C17orf107: variants seen among roughly 807,000 people sequenced by gnomAD.
The protein encoded by C17orf107 is chromosome 17 open reading frame 107, also known as uncharacterized protein C17orf107.
In C17orf107, 9 loss-of-function variants were observed where a neutral mutation model predicts 8.9. The ratio of observed to expected loss-of-function variants is 1.02; its 90% CI spans 0.61 to 1.77. The LOEUF (loss-of-function observed/expected upper bound fraction) is 1.77. C17orf107 is among the 40% of genes most tolerant of loss of function. The pLI is 0.00. For missense variants in C17orf107, 281 were observed against 249.0 expected (o/e 1.13, Z -0.86); for synonymous variants, 139 against 120.3 (o/e 1.16, Z -1.02).
In C17orf107 at chr17:4,900,446, G is replaced by T. The variant is rs1175315685; in HGVS notation, c.486G>T (p.Gly162=). 6.4e-7 allele frequency: 1 copy of T among 1,551,112 alleles called. No individual in the cohort carries two copies. Among genetic ancestry groups the T allele is most frequent in the Non-Finnish European group, 8.7e-7 (1 of 1,146,976 alleles). Reference sequence around the variant, plus strand: ...GCCTGTGTGGACGGGGTCTGCAGGGGTCTGCCTCATTCCTGCGACAGTCGC... The same window carrying T: ...GCCTGTGTGGACGGGGTCTGCAGGGTTCTGCCTCATTCCTGCGACAGTCGC... ...WLCLCGRGLQ[G]SASFLRQSQQ... is the part of the protein sequence containing the mutation. Residue 162 remains glycine, a synonymous_variant, in exon 3 of 3, where the codon GGG becomes GGT. Coordinates refer to ENST00000381365, the MANE Select transcript of C17orf107 (RefSeq NM_001145536.2).
Position 4,899,630 on chromosome 17 carries a change from C to G in C17orf107, c.-133C>G, listed in dbSNP as rs1404591514. 4.7e-6 allele frequency: 7 copies of G among 1,487,064 alleles called. No homozygotes were observed. The highest frequency in any genetic ancestry group is 3.7e-4 in the Middle Eastern group (2 of 5,474). 92.1% of individuals were successfully genotyped at this position (1,487,064 alleles called of 1,614,324 possible). On this transcript the variant is annotated 5_prime_UTR_variant, in exon 1 of 3. Transcript: ENST00000381365. ...CATCACCGTTCCTCCTCCCAGCTAC[C>G]GAAGGCGCCGCGCGCTGACCTCACA...
downstream of C17orf107, chr17:4,903,019 G>C (rs34563587): frequency 6.2e-7 from 1 of 1,613,840 alleles, no homozygotes; most frequent in Admixed American, 1.7e-5. Context: ...TGTCCGTACC[G>C]AGAAGCCCCA....
Position 4,901,231 on chromosome 17 carries a change from G to T in C17orf107, c.*698G>T. On this transcript the variant is annotated 3_prime_UTR_variant, in exon 3 of 3. Coordinates refer to ENST00000381365, the MANE Select transcript of C17orf107 (RefSeq NM_001145536.2). The stretch of plus-strand genomic sequence containing the variant: ...ACGGTCAGCTGGCTGTCAGAGCGGG[G>T]CGCCCGCCGAGCTGACAGCGGGCTG... 6.3e-7 allele frequency: 1 copy of T among 1,586,988 alleles called. No individual in the cohort carries two copies. The highest frequency in any genetic ancestry group is 8.5e-7 in the Non-Finnish European group (1 of 1,171,218).
downstream of C17orf107, among the ~76,000 whole-genome samples, chr17:4,903,871 T>C (rs115900807): frequency 6.6e-6 from 1 of 151,526 alleles, no homozygotes; most frequent in Non-Finnish European, 1.5e-5. Context: ...AAAAAAAATT[T>C]TTTTGAGACC....
In C17orf107 at chr17:4,902,451, A is replaced by T. The variant is rs910053664; in HGVS notation, c.*1918A>T. The stretch of plus-strand genomic sequence containing the variant: ...CACCATTCCCCAGATTTGACTCACG[A>T]TTCCAATCCAGACGCTAGTGGTGAG... On this transcript the variant is annotated 3_prime_UTR_variant, in exon 3 of 3. Transcript: ENST00000381365. The surrounding 1 kb of genome is among the most constrained non-coding windows in gnomAD (Gnocchi z 4.0). The T allele has an allele frequency of 6.2e-7, 1 of 1,614,064 alleles. No homozygotes were observed. Among genetic ancestry groups the T allele is most frequent in the Non-Finnish European group, 8.5e-7 (1 of 1,180,038 alleles).
Position 4,900,535 on chromosome 17 carries a change from G to T in C17orf107, c.*2G>T, listed in dbSNP as rs1386408129. 9 of 1,550,650 alleles carry T rather than the reference G, an allele frequency of 5.8e-6. No homozygotes were observed. Among genetic ancestry groups the T allele is most frequent in the Non-Finnish European group, 8.7e-7 (1 of 1,146,978 alleles). ...AGCTCAGGACACGGGGTGAGTTAGG[G>T]GCCAGAGGCGGCGGGGCTAGGGAGG... is the stretch of plus-strand genomic sequence containing the variant. On this transcript the variant is annotated 3_prime_UTR_variant, in exon 3 of 3. Transcript: ENST00000381365.
chr17:4,900,972 T>C lies in C17orf107; in HGVS notation c.*439T>C, dbSNP rs755437862. 1.1e-5 allele frequency: 17 copies of C among 1,613,832 alleles called. No homozygotes were observed. The East Asian group carries it at 3.8e-4, about 36-fold the overall frequency. On this transcript the variant is annotated 3_prime_UTR_variant, in exon 3 of 3. Coordinates refer to ENST00000381365, the MANE Select transcript of C17orf107 (RefSeq NM_001145536.2). ...GAGCGAGCCCGGGTTTGGGGGTAGG[T>C]TCGGGGCCACTGCTTACCCTGCGCC...
downstream of C17orf107, among the ~76,000 whole-genome samples, chr17:4,904,275 C>A (rs574429078): frequency 6.6e-6 from 1 of 151,802 alleles, no homozygotes; most frequent in Non-Finnish European, 1.5e-5. Context: ...TAGTTCACTG[C>A]GGCTCTCAAA....
In C17orf107 at chr17:4,900,145, G is replaced by T; in HGVS notation, c.276G>T (p.Glu92Asp). The change falls in exon 2 of 3, where the codon GAG (glutamate) becomes GAT (aspartate). Residue 92 changes from glutamate to aspartate, a missense_variant and splice_region_variant. By Grantham distance (45) the Glu-to-Asp change is conservative. Coordinates refer to ENST00000381365, the MANE Select transcript of C17orf107 (RefSeq NM_001145536.2). ...TGAGCTTCGGCACCACCTTGTTAGA[G>T]GTGGGGTACTGGGGGGCTTAGGATA... ...SLVSFGTTLL[E>D]ISALWLQQEA... 2 of 1,550,004 alleles carry T rather than the reference G, an allele frequency of 1.3e-6. No individual in the cohort carries two copies. The highest frequency in any genetic ancestry group is 1.7e-6 in the Non-Finnish European group (2 of 1,146,652).
Position 4,900,432 on chromosome 17 carries a change from C to G in C17orf107, c.472C>G (p.Arg158Gly), listed in dbSNP as rs778322519. The change falls in exon 3 of 3, where the codon CGG becomes GGG. Residue 158 changes from arginine (R) to glycine (G), a missense_variant. Transcript: ENST00000381365. ...VQGAWLCLCGRGLQGSASFLR... is the reference protein window; with the variant it reads ...VQGAWLCLCGGGLQGSASFLR... ...GGGAGCATGGCTATGCCTGTGTGGA[C>G]GGGGTCTGCAGGGGTCTGCCTCATT... is the stretch of plus-strand genomic sequence containing the variant. The G allele has an allele frequency of 1.9e-6, 3 of 1,551,032 alleles. No homozygotes were observed. The South Asian group carries it at 3.6e-5, about 18-fold the overall frequency.
chr17:4,900,316 G>GT lies in C17orf107; in HGVS notation c.357dup (p.Ala120CysfsTer123). The GT allele has an allele frequency of 6.5e-7, 1 of 1,545,428 alleles. No individual in the cohort carries two copies. Among genetic ancestry groups the GT allele is most frequent in the Non-Finnish European group, 8.7e-7 (1 of 1,146,422 alleles). Reference sequence around the variant, plus strand: ...CCAGCCCCAGACGGCAGGGATCCGGGTGCAGCGCTGAGCCGGGTAGCCCAA... The same window carrying GT: ...CCAGCCCCAGACGGCAGGGATCCGGGTTGCAGCGCTGAGCCGGGTAGCCCAA... On this transcript the variant is annotated frameshift_variant, in exon 3 of 3. Transcript: ENST00000381365. LOFTEE classifies it low-confidence loss of function (END_TRUNC).
At position 4,902,396 on chromosome 17, in the gene C17orf107, G is replaced by C; in HGVS notation, c.*1863G>C. 2 of 1,613,942 alleles carry C rather than the reference G, an allele frequency of 1.2e-6. No homozygotes were observed. Among genetic ancestry groups the C allele is most frequent in the Non-Finnish European group, 1.7e-6 (2 of 1,179,816 alleles). The stretch of plus-strand genomic sequence containing the variant: ...CTGGCGCTGCCTGGGAGGGGTTTGG[G>C]GGAAAAGGGGTGCCCTGGACAAGAC... On this transcript the variant is annotated 3_prime_UTR_variant, in exon 3 of 3. Coordinates refer to ENST00000381365, the MANE Select transcript of C17orf107 (RefSeq NM_001145536.2). This position sits in a 1 kb window ranked among gnomAD's most constrained non-coding sequence, Gnocchi z 4.0.
downstream of C17orf107, chr17:4,903,128 C>A: frequency 6.4e-7 from 1 of 1,558,228 alleles, no homozygotes; most frequent in African/African-American, 1.4e-5. Flanking sequence ...TGCCAGGGTG[C>A]CTGTGTGAGG....
At chr17:4,906,346 G>A (rs1357628291), downstream of C17orf107, among the ~76,000 whole-genome samples, 1 of 152,124 alleles carries the variant, frequency 6.6e-6, no homozygotes, top group Non-Finnish European at 1.5e-5. Context: ...AAAACGGCCT[G>A]CCAGGATGCC....
In C17orf107 at chr17:4,901,372, T is replaced by G; in HGVS notation, c.*839T>G. ...GGAAAGCCAGAAGGCAGGACTAGAG[T>G]AACAATCGAGAATGATTTCAGGACA... On this transcript the variant is annotated 3_prime_UTR_variant, in exon 3 of 3. Transcript: ENST00000381365. 1 of 936,560 alleles carries G rather than the reference T, an allele frequency of 1.1e-6. No homozygotes were observed. Among genetic ancestry groups the G allele is most frequent in the Non-Finnish European group, 1.7e-6 (1 of 590,424 alleles). 58.0% of individuals were successfully genotyped at this position (936,560 alleles called of 1,614,324 possible). A position where few individuals can be genotyped will look rare whatever the true frequency, so the allele number is the denominator to read the frequency against.
Position 4,899,723 on chromosome 17 carries a change from G to A in C17orf107, c.-40G>A, listed in dbSNP as rs899557194. On this transcript the variant is annotated 5_prime_UTR_variant, in exon 1 of 3. Coordinates refer to ENST00000381365, the MANE Select transcript of C17orf107 (RefSeq NM_001145536.2). ...GCGCCCCCTACACGACGACAGACGC[G>A]TCCCCCAGCCCTTCTCCTGTCCTAC... The A allele has an allele frequency of 4.1e-5, 63 of 1,531,906 alleles. No homozygotes were observed. The highest frequency in any genetic ancestry group is 5.0e-5 in the Non-Finnish European group (57 of 1,129,676). The allele number at this position is 1,531,906 out of a possible 1,614,324, so 94.9% of individuals were successfully genotyped here.
downstream of C17orf107, among the ~76,000 whole-genome samples, chr17:4,906,306 C>G (rs1446124879): frequency 1.3e-5 from 2 of 152,254 alleles, no homozygotes; most frequent in East Asian, 3.9e-4. Flanking sequence ...TCTAGCAACC[C>G]AGCCCACTTC....
rs1271961123 is a variant in C17orf107, at chr17:4,902,885, T to G, written c.*2352T>G. On this transcript the variant is annotated 3_prime_UTR_variant, in exon 3 of 3. Coordinates refer to ENST00000381365, the MANE Select transcript of C17orf107 (RefSeq NM_001145536.2). The surrounding 1 kb of genome is among the most constrained non-coding windows in gnomAD (Gnocchi z 4.0). ...CTGTGTACTATCAGTATCTGTCTCCTAAACCAATTATGCTGTGCCTGGGAA... is the reference window on the plus strand; with the variant it reads ...CTGTGTACTATCAGTATCTGTCTCCGAAACCAATTATGCTGTGCCTGGGAA... 1.9e-6 allele frequency: 3 copies of G among 1,583,552 alleles called. No individual in the cohort carries two copies. The highest frequency in any genetic ancestry group is 3.3e-5 in the Admixed American group (2 of 59,810).
At position 4,899,959 on chromosome 17, in the gene C17orf107, G is replaced by A. The variant is rs1192849000; in HGVS notation, c.90G>A (p.Leu30=). 1 of 1,551,248 alleles carries A rather than the reference G, an allele frequency of 6.4e-7. No homozygotes were observed. The change falls in exon 2 of 3, where the codon CTG becomes CTA. Residue 30 remains leucine, a synonymous_variant. Transcript: ENST00000381365. The part of the protein sequence containing the change: ...STEVALQPPL[L]SSLELSVAAA... ...AGGTGGCCCTCCAGCCCCCGCTTCT[G>A]TCTTCCCTGGAACTCTCCGTGGCCG...
Sources: gnomAD v4.1 joint callset for allele counts (sites outside exome capture counted in the v4.1 genomes callset) on GRCh38, gnomAD v4.1.1 for gene constraint, Gnocchi (gnomAD v3.1) non-coding constraint, MANE v1.5 for transcripts, NCBI Gene and HGNC (gene_info 2026-07-23, HGNC 2026-07-21) for gene names.